Variants in CACNG3 observed in about 807,000 individuals in gnomAD.
The protein encoded by CACNG3 is voltage-dependent calcium channel gamma-3 subunit.
CACNG3 carries 3 observed loss-of-function variants against 28.5 expected under a neutral mutation model. That is an observed-to-expected ratio of 0.11 (90% confidence interval 0.05 to 0.27). CACNG3 has a LOEUF of 0.27. Among genes scored for constraint, CACNG3 ranks in the 10% least tolerant of loss-of-function variants. The probability of loss-of-function intolerance (pLI) is 1.00; values close to 1 mark genes in which losing one functional copy is unlikely to be tolerated. For missense variants in CACNG3, 236 were observed against 414.4 expected (o/e 0.57, Z 3.74); for synonymous variants, 174 against 162.2 (o/e 1.07, Z -0.55).
At chr16:24,319,804 T>C (rs1007087447) in intron 1 of CACNG3, among the ~76,000 whole-genome samples, 2 of 152,078 alleles carry the variant, frequency 1.3e-5, no homozygotes, top group African/African-American at 2.4e-5. Context: ...AGAGTCTCAC[T>C]CTGTTGCCCA....
chr16:24,310,322 G>A lies in CACNG3; in HGVS notation c.212-36412G>A, dbSNP rs1899243164. ...CTCACGCCTGTAATCCCAGCACTTT[G>A]GGAGGCCAAGGTGGGCGGATCACTT... On this transcript the variant is annotated intron_variant, in intron 1 of 3. Coordinates refer to ENST00000005284, the MANE Select transcript of CACNG3 (RefSeq NM_006539.4). Among the ~76,000 whole-genome samples the A allele has an allele frequency of 2.0e-5, 3 of 152,338 alleles. No homozygotes were observed. In the South Asian group the frequency reaches 6.2e-4, roughly 32 times the overall value.
At chr16:24,315,292 G>A (rs917940627) in intron 1 of CACNG3, among the ~76,000 whole-genome samples, 2 of 152,020 alleles carry the variant, frequency 1.3e-5, no homozygotes, top group African/African-American at 4.8e-5. Flanking sequence ...CAGGGGGAAG[G>A]GTCTCCTCCG....
intron 1 of CACNG3, among the ~76,000 whole-genome samples, chr16:24,278,067 A>C (rs1412645917): frequency 6.6e-6 from 1 of 152,132 alleles, no homozygotes; most frequent in Non-Finnish European, 1.5e-5. Context: ...GATTTTTGAG[A>C]CGTAAGAAGG....
chr16:24,307,182 C>T (rs976270379), intron 1 of CACNG3, among the ~76,000 whole-genome samples: 41 of 152,150 alleles, frequency 2.7e-4, no homozygotes, highest in African/African-American at 3.4e-4. Flanking sequence ...AGTGCAGTGG[C>T]GCGATCTCAG....
chr16:24,283,715 C>T (rs1898859099), intron 1 of CACNG3, among the ~76,000 whole-genome samples: 1 of 152,112 alleles, frequency 6.6e-6, no homozygotes, highest in Non-Finnish European at 1.5e-5. Flanking sequence ...TCAAAGACCA[C>T]CTTGCTTTTA....
rs1379802803 is a variant in CACNG3, at chr16:24,310,869, C to T, written c.212-35865C>T. ...GAATGTTCATTCAACAGGAAGTTTT[C>T]TGGGCTCCCCGCATCCTTCCCTGAG... is the stretch of plus-strand genomic sequence containing the variant. On this transcript the variant is annotated intron_variant, in intron 1 of 3. Transcript: ENST00000005284. Among the ~76,000 whole-genome samples, 3 of 152,294 alleles carry T rather than the reference C, an allele frequency of 2.0e-5. No homozygotes were observed. The East Asian group carries it at 5.8e-4, about 29-fold the overall frequency.
chr16:24,284,717 G>C (rs1482520254), intron 1 of CACNG3, among the ~76,000 whole-genome samples: 2 of 151,918 alleles, frequency 1.3e-5, no homozygotes, highest in African/African-American at 4.8e-5. Flanking sequence ...TTTGCTCTTG[G>C]GATTTTTTTA....
At chr16:24,353,226 C>G (rs1295132330) in intron 2 of CACNG3, among the ~76,000 whole-genome samples, 2 of 152,164 alleles carry the variant, frequency 1.3e-5, no homozygotes, top group East Asian at 3.9e-4. Context: ...CCACCCACCT[C>G]TGCCTCCCAA....
intron 3 of CACNG3, 140 bp downstream of exon 3, chr16:24,355,113 C>A (rs924682537): frequency 1.5e-5 from 12 of 816,620 alleles, no homozygotes; most frequent in Non-Finnish European, 1.7e-5. Context: ...ATGAGAACTC[C>A]AAGAATTCCA....
At chr16:24,262,662 C>A (rs779601954) in intron 1 of CACNG3, among the ~76,000 whole-genome samples, 1 of 152,170 alleles carries the variant, frequency 6.6e-6, no homozygotes, top group African/African-American at 2.4e-5. Flanking sequence ...TCTTGTGTCC[C>A]ATTGGTTGTT....
At chr16:24,359,579 AG>A (rs1445142255) in intron 3 of CACNG3, among the ~76,000 whole-genome samples, 9 of 152,130 alleles carry the variant, frequency 5.9e-5, no homozygotes, top group Non-Finnish European at 1.5e-5. Flanking sequence ...CAAAATATTG[AG>A]GCTGGGCATG....
At chr16:24,333,410 T>C (rs1356295781) in intron 1 of CACNG3, 1 of 152,332 alleles carries the variant, frequency 6.6e-6, no homozygotes, top group Non-Finnish European at 1.5e-5. Context: ...TTAAAAAAAT[T>C]TTCAAAGTGT....
chr16:24,344,388 A>G (rs937582678), intron 1 of CACNG3, among the ~76,000 whole-genome samples: 4 of 149,752 alleles, frequency 2.7e-5, no homozygotes, highest in African/African-American at 4.9e-5. Context: ...CAACCTGGGC[A>G]ATAGAGCAAG....
chr16:24,318,984 T>C (rs1899422360), intron 1 of CACNG3, among the ~76,000 whole-genome samples: 1 of 152,250 alleles, frequency 6.6e-6, no homozygotes, highest in South Asian at 2.1e-4. Context: ...ATTCATGGTA[T>C]CTGGCTGGAA....
chr16:24,329,000 AG>A (rs1275577414), intron 1 of CACNG3, among the ~76,000 whole-genome samples: 2 of 152,140 alleles, frequency 1.3e-5, no homozygotes, highest in African/African-American at 4.8e-5. Flanking sequence ...AAAGATCCTA[AG>A]GGCTGAGTGG....
At chr16:24,276,925 T>G (rs1898760293) in intron 1 of CACNG3, among the ~76,000 whole-genome samples, 1 of 152,206 alleles carries the variant, frequency 6.6e-6, no homozygotes, top group Admixed American at 6.5e-5. Context: ...ATGTATAAAT[T>G]TTCCACCTTC....
chr16:24,266,243 ACT>A (rs1898607264), intron 1 of CACNG3, among the ~76,000 whole-genome samples: 1 of 152,174 alleles, frequency 6.6e-6, no homozygotes, highest in African/African-American at 2.4e-5. Context: ...TTGACAGTAG[ACT>A]CTGTAAGACA....
intron 1 of CACNG3, among the ~76,000 whole-genome samples, chr16:24,305,195 C>G (rs1416449123): frequency 6.6e-6 from 1 of 152,000 alleles, no homozygotes; most frequent in African/African-American, 2.4e-5. Context: ...ATAGGAGATG[C>G]TATGCATGAA....
intron 3 of CACNG3, among the ~76,000 whole-genome samples, chr16:24,357,179 A>G (rs1269471731): frequency 6.7e-6 from 1 of 148,804 alleles, no homozygotes; most frequent in African/African-American, 2.5e-5. Context: ...GGTTGCAGTG[A>G]GCCAAGGTCG....
Sources: allele counts gnomAD v4.1 joint callset (sites outside exome capture counted in the v4.1 genomes callset), GRCh38; gene constraint gnomAD v4.1.1; transcripts MANE v1.5; gene names NCBI Gene and HGNC (gene_info 2026-07-23, HGNC 2026-07-21).